The following FGD4 variants were observed in gnomAD, a reference collection of about 807,000 sequenced individuals.
The protein encoded by FGD4 is FYVE, RhoGEF and PH domain-containing protein 4.
FGD4 carries 42 observed loss-of-function variants against 102.0 expected under a neutral mutation model. The observed-to-expected ratio is 0.41, with a 90% CI of 0.32 to 0.53. The LOEUF (loss-of-function observed/expected upper bound fraction) is 0.53. Ranked by LOEUF, FGD4 falls within the 20% of genes least tolerant of loss-of-function variation. The pLI, the probability that FGD4 is intolerant of heterozygous loss-of-function variation, is 0.21. For missense variants in FGD4, 902 were observed against 1,078.2 expected, an observed-to-expected ratio of 0.84 and a Z score of 2.29; for synonymous variants, 380 against 375.7, an observed-to-expected ratio of 1.01 and a Z score of -0.13.
chr12:32,559,989 T>C (rs1944407961), intron 1 of FGD4, among the ~76,000 whole-genome samples: 1 of 152,226 alleles, frequency 6.6e-6, no homozygotes, highest in Admixed American at 6.5e-5. Flanking sequence ...GTAGTTGAGC[T>C]GTGGCTCTGC....
intron 4 of FGD4, among the ~76,000 whole-genome samples, chr12:32,591,370 T>G (rs1178415765): frequency 6.6e-6 from 1 of 152,230 alleles, no homozygotes; most frequent in African/African-American, 2.4e-5. Flanking sequence ...TTAGGAAAAT[T>G]CTTCCTACCT....
Position 32,399,788 on chromosome 12 carries a change from G to A in FGD4, c.-6G>A. The stretch of plus-strand genomic sequence containing the variant: ...GAGTCGGGGAGCGGCGGTCGAGCCC[G>A]GCAGGATGAGCGACGAGGGCGGCTC... On this transcript the variant is annotated 5_prime_UTR_variant, in exon 1 of 17. Coordinates refer to ENST00000534526, the MANE Select transcript of FGD4 (RefSeq NM_001370298.3). The A allele has an allele frequency of 2.6e-6, 4 of 1,529,938 alleles. No individual in the cohort carries two copies. The highest frequency in any genetic ancestry group is 3.5e-6 in the Non-Finnish European group (4 of 1,145,002). The allele number at this position is 1,529,938 out of a possible 1,614,324, so 94.8% of individuals were successfully genotyped here.
At chr12:32,606,324 T>A (rs1948778102) in intron 7 of FGD4, among the ~76,000 whole-genome samples, 1 of 152,136 alleles carries the variant, frequency 6.6e-6, no homozygotes, top group Admixed American at 6.5e-5. Context: ...CACACTGCAG[T>A]AGATTAATCT....
Position 32,611,381 on chromosome 12 carries a change from C to T in FGD4, c.1749+98C>T, listed in dbSNP as rs147732939. On this transcript the variant is annotated intron_variant, in intron 10 of 16. Coordinates refer to ENST00000534526, the MANE Select transcript of FGD4 (RefSeq NM_001370298.3). ...CTGTAATCCCAGCACTTTGGGAGGC[C>T]GAGGCGAGTGGATCTCCTGAGGTCA... 975 of 1,403,562 alleles carry T rather than the reference C, an allele frequency of 6.9e-4. 16 individuals are homozygous for T. The East Asian group carries it at 0.019, about 27-fold the overall frequency. The allele number at this position is 1,403,562 out of a possible 1,614,324, so 86.9% of individuals were successfully genotyped here. A position where few individuals can be genotyped will look rare whatever the true frequency, so the allele number is the denominator to read the frequency against.
chr12:32,564,280 A>G lies in FGD4; in HGVS notation c.310A>G (p.Lys104Glu). ...RPAKHSAASP[K>E]PQVPPKPLHL... ...AGCAAAACACTCAGCTGCAAGTCCA[A>G]AGCCACAAGGTATGCTCACTGGGAG... The change falls in exon 2 of 17, where the codon AAG (lysine) becomes GAG (glutamate). Residue 104 changes from lysine (K) to glutamate (E), a missense_variant. By Grantham distance (56) the Lys-to-Glu change is moderately conservative. Coordinates refer to ENST00000534526, the MANE Select transcript of FGD4 (RefSeq NM_001370298.3). 2 of 1,535,970 alleles carry G rather than the reference A, an allele frequency of 1.3e-6. No individual in the cohort carries two copies. The highest frequency in any genetic ancestry group is 1.7e-6 in the Non-Finnish European group (2 of 1,146,834).
chr12:32,516,576 A>T (rs1939911647), intron 1 of FGD4, among the ~76,000 whole-genome samples: 4 of 152,196 alleles, frequency 2.6e-5, no homozygotes, highest in Admixed American at 2.6e-4. Context: ...ATCTGTTGTA[A>T]ATATATATGC....
At chr12:32,606,045 TTATA>T (rs1222294797) in intron 7 of FGD4, among the ~76,000 whole-genome samples, 1 of 152,242 alleles carries the variant, frequency 6.6e-6, no homozygotes, top group African/African-American at 2.4e-5. Context: ...AGTCTGCTGC[TTATA>T]GTCACTTGAC....
chr12:32,460,514 A>G (rs923581449), intron 1 of FGD4, among the ~76,000 whole-genome samples: 1 of 148,262 alleles, frequency 6.7e-6, no homozygotes, highest in Non-Finnish European at 1.5e-5. Flanking sequence ...AAAAAAAAAA[A>G]AGAAGAAGAA....
chr12:32,644,236 A>G lies in FGD4; in HGVS notation c.*3703A>G, dbSNP rs1338952014. On this transcript the variant is annotated 3_prime_UTR_variant, in exon 17 of 17. Coordinates refer to ENST00000534526, the MANE Select transcript of FGD4 (RefSeq NM_001370298.3). ...TTCCTATTCTTCAGACTGTATTGAC[A>G]TCTGTAGTGGATCATGTTGCTTCTT... is the stretch of plus-strand genomic sequence containing the variant. The G allele has an allele frequency of 6.6e-6, 1 of 152,166 alleles. No homozygotes were observed. Among genetic ancestry groups the G allele is most frequent in the Non-Finnish European group, 1.5e-5 (1 of 68,002 alleles). The allele number at this position is 152,166 out of a possible 1,614,324, so 9.4% of individuals were successfully genotyped here.
Position 32,611,143 on chromosome 12 carries a change from C to G in FGD4, c.1609C>G (p.Leu537Val), listed in dbSNP as rs750265200. Residue 537 changes from leucine (L) to valine (V), a missense_variant, in exon 10 of 17, where the codon CTA (leucine) becomes GTA (valine). Coordinates refer to ENST00000534526, the MANE Select transcript of FGD4 (RefSeq NM_001370298.3). ...TGCTGTTTTAATTTCCTAGGAGAAC[C>G]TAAAGAAACTCTTAGAGATTTATGA... ...SNSAIRKMEN[L>V]KKLLEIYEML... is the part of the protein sequence containing the mutation. The G allele has an allele frequency of 2.8e-5, 45 of 1,613,878 alleles. No homozygotes were observed. Among genetic ancestry groups the G allele is most frequent in the Non-Finnish European group, 3.5e-5 (41 of 1,180,002 alleles).
intron 1 of FGD4, among the ~76,000 whole-genome samples, chr12:32,494,417 C>T (rs1049756241): frequency 1.3e-5 from 2 of 152,118 alleles, no homozygotes. Context: ...GCCGTATAAT[C>T]AGTAAAATAT....
chr12:32,536,082 AG>A (rs1382760262), intron 1 of FGD4, among the ~76,000 whole-genome samples: 1 of 151,016 alleles, frequency 6.6e-6, no homozygotes, highest in South Asian at 2.1e-4. Context: ...ATTTTATAAC[AG>A]TTTTTTTTTT....
At chr12:32,462,225 C>G (rs951052264) in intron 1 of FGD4, among the ~76,000 whole-genome samples, 5 of 151,988 alleles carry the variant, frequency 3.3e-5, no homozygotes, top group African/African-American at 7.3e-5. Flanking sequence ...GCAGTGACCT[C>G]AGCTCACTGC....
At chr12:32,583,409 G>T (rs918421583) in intron 4 of FGD4, among the ~76,000 whole-genome samples, 18 of 152,156 alleles carry the variant, frequency 1.2e-4, no homozygotes, top group African/African-American at 4.3e-4. Context: ...GAAAGCTTAT[G>T]ATTTTTTTTC....
chr12:32,480,787 C>CTG (rs1565767013), intron 1 of FGD4, among the ~76,000 whole-genome samples: 8 of 149,460 alleles, frequency 5.4e-5, no homozygotes, highest in Non-Finnish European at 7.4e-5. Flanking sequence ...GCGTGAGCCA[C>CTG]CACGCCCGGC....
chr12:32,481,386 A>G (rs1943760692), intron 1 of FGD4, among the ~76,000 whole-genome samples: 1 of 152,212 alleles, frequency 6.6e-6, no homozygotes, highest in African/African-American at 2.4e-5. Flanking sequence ...GTAATGATCA[A>G]AGGAAACTGG....
intron 1 of FGD4, among the ~76,000 whole-genome samples, chr12:32,401,903 ATTTTTTT>A (rs537785812): frequency 1.2e-5 from 1 of 85,084 alleles, no homozygotes; most frequent in African/African-American, 4.8e-5. Flanking sequence ...ATTTTTGTAC[ATTTTTTT>A]TTTTTTTTTT....
At chr12:32,627,023 T>C (rs997125887) in intron 14 of FGD4, among the ~76,000 whole-genome samples, 4 of 151,838 alleles carry the variant, frequency 2.6e-5, no homozygotes, top group South Asian at 4.2e-4. Context: ...GATTTCTGTA[T>C]TTTTAGTAGG....
At chr12:32,576,187 T>C in intron 2 of FGD4, 79 bp from the exon 3 acceptor site, 2 of 1,406,284 alleles carry the variant, frequency 1.4e-6, no homozygotes, top group South Asian at 2.5e-5. Context: ...CTGAATATTT[T>C]TGCACCCAGG....
Sources: allele counts gnomAD v4.1 joint callset (sites outside exome capture counted in the v4.1 genomes callset), GRCh38; gene constraint gnomAD v4.1.1; transcripts MANE v1.5; gene names NCBI Gene and HGNC (gene_info 2026-07-23, HGNC 2026-07-21).